Variants in DCDC1 observed in about 807,000 individuals in gnomAD.
DCDC1 encodes the protein doublecortin domain containing 1.
Under a neutral mutation model 178.3 loss-of-function variants are expected in DCDC1, and 200 were observed. The ratio of observed to expected loss-of-function variants is 1.12; its 90% confidence interval spans 1.00 to 1.26. DCDC1 has a LOEUF of 1.26. Ranked by LOEUF, DCDC1 falls within the 50% of genes most tolerant of loss-of-function variation. DCDC1 has a pLI of 0.00. For synonymous variants in DCDC1, 690 were observed against 604.8 expected (o/e 1.14, Z -2.07); for missense variants, 1,983 against 1,749.2 (o/e 1.13, Z -2.38).
intron 20 of DCDC1, among the ~76,000 whole-genome samples, chr11:31,028,136 T>C (rs1248724539): frequency 6.6e-6 from 1 of 151,938 alleles, no homozygotes; most frequent in Non-Finnish European, 1.5e-5. Flanking sequence ...TAACATATAA[T>C]AAAGCTATTT....
chr11:30,990,272 G>A (rs955821923), intron 20 of DCDC1, among the ~76,000 whole-genome samples: 2 of 152,124 alleles, frequency 1.3e-5, no homozygotes, highest in Non-Finnish European at 2.9e-5. Flanking sequence ...TCTTATTCCT[G>A]TAAGATCTCA....
At chr11:31,197,077 C>T (rs1303708164) in intron 9 of DCDC1, among the ~76,000 whole-genome samples, 2 of 152,070 alleles carry the variant, frequency 1.3e-5, no homozygotes, top group African/African-American at 2.4e-5. Flanking sequence ...ATGTCAGGAA[C>T]AGGGACAGGA....
intron 6 of DCDC1, among the ~76,000 whole-genome samples, chr11:31,296,440 A>G (rs1430529497): frequency 6.6e-6 from 1 of 152,204 alleles, no homozygotes; most frequent in Non-Finnish European, 1.5e-5. Flanking sequence ...GGTCAAAGCC[A>G]TTCAACAAGT....
At chr11:31,301,514 T>C (rs773527564) in intron 6 of DCDC1, among the ~76,000 whole-genome samples, 6 of 152,178 alleles carry the variant, frequency 3.9e-5, no homozygotes, top group Non-Finnish European at 7.4e-5. Flanking sequence ...GCTTTTAACA[T>C]AACAATTTAA....
chr11:31,179,948 T>C (rs1185583617), intron 9 of DCDC1, among the ~76,000 whole-genome samples: 1 of 152,156 alleles, frequency 6.6e-6, no homozygotes, highest in Non-Finnish European at 1.5e-5. Context: ...CATAATCAGG[T>C]AGGATTTATC....
chr11:30,877,120 G>T (rs749885572), intron 38 of DCDC1, among the ~76,000 whole-genome samples: 1 of 152,174 alleles, frequency 6.6e-6, no homozygotes, highest in Non-Finnish European at 1.5e-5. Flanking sequence ...TTTTAGTGGT[G>T]TCAGAGGCAG....
intron 11 of DCDC1, among the ~76,000 whole-genome samples, chr11:31,126,224 C>T (rs1367581922): frequency 2.0e-5 from 3 of 152,150 alleles, no homozygotes; most frequent in Non-Finnish European, 4.4e-5. Flanking sequence ...AAAACAACCA[C>T]TCTCCCTCAC....
chr11:31,215,685 C>A (rs778022963), intron 9 of DCDC1, among the ~76,000 whole-genome samples: 1 of 151,468 alleles, frequency 6.6e-6, no homozygotes, highest in Non-Finnish European at 1.5e-5. Context: ...CCTAGCTACT[C>A]GGGAGCCTGA....
chr11:31,079,485 G>T (rs772191969), intron 17 of DCDC1, among the ~76,000 whole-genome samples: 4 of 152,184 alleles, frequency 2.6e-5, no homozygotes, highest in African/African-American at 9.6e-5. Context: ...CAACGAGGGG[G>T]TCATGAGAAT....
chr11:30,938,118 T>G (rs1005078322), intron 21 of DCDC1, among the ~76,000 whole-genome samples: 1 of 152,102 alleles, frequency 6.6e-6, no homozygotes, highest in Non-Finnish European at 1.5e-5. Flanking sequence ...CTTGTACTCT[T>G]CCTTCCTTTT....
At chr11:31,315,041 C>T (rs569228303) in intron 3 of DCDC1, among the ~76,000 whole-genome samples, 2 of 152,042 alleles carry the variant, frequency 1.3e-5, no homozygotes, top group South Asian at 4.2e-4. Flanking sequence ...GGAAGGAGTA[C>T]AGAAAAAAAC....
intron 9 of DCDC1, among the ~76,000 whole-genome samples, chr11:31,155,357 C>A (rs1965610888): frequency 6.6e-6 from 1 of 152,230 alleles, no homozygotes. Flanking sequence ...AGTGCTGGCA[C>A]TGTCTCACTT....
chr11:31,294,165 CTT>C (rs996464315), intron 6 of DCDC1, among the ~76,000 whole-genome samples: 2 of 152,112 alleles, frequency 1.3e-5, no homozygotes, highest in East Asian at 1.9e-4. Context: ...TGTAAGGTCT[CTT>C]TGAACAGAGA....
chr11:31,264,512 T>A (rs1203514242), intron 8 of DCDC1, among the ~76,000 whole-genome samples: 1 of 152,016 alleles, frequency 6.6e-6, no homozygotes, highest in African/African-American at 2.4e-5. Flanking sequence ...CCTGCCAAGG[T>A]TTGCATCCCA....
At chr11:31,082,142 A>G (rs568227884) in intron 17 of DCDC1, among the ~76,000 whole-genome samples, 4 of 152,332 alleles carry the variant, frequency 2.6e-5, no homozygotes, top group Admixed American at 1.3e-4. Context: ...GGAAGGGAAA[A>G]TGGAGGAGCT....
intron 9 of DCDC1, among the ~76,000 whole-genome samples, chr11:31,179,103 G>A (rs1968450957): frequency 6.6e-6 from 1 of 152,048 alleles, no homozygotes; most frequent in Non-Finnish European, 1.5e-5. Context: ...ATAATCATCA[G>A]GTAAATGCAA....
chr11:31,269,840 A>T (rs2137152976), intron 7 of DCDC1, among the ~76,000 whole-genome samples: 1 of 152,316 alleles, frequency 6.6e-6, no homozygotes, highest in East Asian at 1.9e-4. Context: ...TCTGGGAGTC[A>T]TCTCCACATC....
intron 8 of DCDC1, among the ~76,000 whole-genome samples, chr11:31,242,944 T>C (rs1260121587): frequency 2.0e-5 from 3 of 151,878 alleles, no homozygotes; most frequent in South Asian, 2.1e-4. Flanking sequence ...ACTAATATAG[T>C]ATAAAGTTAA....
rs1030940095 is a variant in DCDC1, at chr11:31,002,379, T to C, written c.2592-49811A>G. ...GTTTGTAGAGGATACTTAAATATTA[T>C]ATCACAGGGACAATAAATCAAAAAT... On this transcript the variant is annotated intron_variant, in intron 20 of 38. Coordinates refer to ENST00000684477, the MANE Select transcript of DCDC1 (RefSeq NM_001387274.1). 3.3e-5 allele frequency among the ~76,000 whole-genome samples: 5 copies of C among 152,336 alleles called. No homozygotes were observed. The South Asian group carries it at 6.2e-4, about 19-fold the overall frequency.
Sources: allele counts gnomAD v4.1 joint callset (sites outside exome capture counted in the v4.1 genomes callset), GRCh38; gene constraint gnomAD v4.1.1; transcripts MANE v1.5; gene names NCBI Gene and HGNC (gene_info 2026-07-23, HGNC 2026-07-21).